NAV3: variants seen among roughly 807,000 people sequenced by gnomAD.
The protein encoded by NAV3 is neuron navigator 3.
A neutral mutation model predicts 244.7 loss-of-function variants in NAV3; 87 were observed. That is an observed-to-expected ratio of 0.36 (90% CI 0.30 to 0.42). The LOEUF (loss-of-function observed/expected upper bound fraction) is 0.42. NAV3 is among the 20% of genes least tolerant of loss of function. NAV3 has a pLI of 1.00. For synonymous variants in NAV3, 1,126 were observed against 1,042.2 expected (o/e 1.08, Z -1.55); for missense variants, 2,663 against 2,893.3 (o/e 0.92, Z 1.83).
chr12:78,113,604 C>A (rs1265211168), intron 12 of NAV3, among the ~76,000 whole-genome samples: 1 of 152,142 alleles, frequency 6.6e-6, no homozygotes, highest in Non-Finnish European at 1.5e-5. Flanking sequence ...TGCAGGGCAC[C>A]AAGTCCCTAT....
intron 2 of NAV3, among the ~76,000 whole-genome samples, chr12:77,752,435 C>T (rs1185379748): frequency 2.0e-5 from 3 of 152,070 alleles, no homozygotes; most frequent in Non-Finnish European, 4.4e-5. Flanking sequence ...ATAAAAGTAG[C>T]CGAGAGTCCA....
intron 38 of NAV3, among the ~76,000 whole-genome samples, chr12:78,203,761 A>G (rs1467382145): frequency 2.0e-5 from 3 of 151,966 alleles, no homozygotes; most frequent in African/African-American, 7.2e-5. Context: ...AGGGAAAGTA[A>G]TTTAAGGAAA....
intron 5 of NAV3, among the ~76,000 whole-genome samples, chr12:77,988,039 G>C (rs147948105): frequency 0.017 from 2,611 of 152,240 alleles, 29 homozygotes; most frequent in Non-Finnish European, 0.029. Flanking sequence ...AAAGAGGCAT[G>C]GCTTGAGATT....
chr12:77,574,161 G>A (rs1172895355), intron 2 of NAV3, among the ~76,000 whole-genome samples: 1 of 152,134 alleles, frequency 6.6e-6, no homozygotes, highest in Non-Finnish European at 1.5e-5. Context: ...GAATGGAAGA[G>A]GAATGAATGT....
intron 2 of NAV3, among the ~76,000 whole-genome samples, chr12:77,593,099 C>G (rs1056316385): frequency 1.3e-5 from 2 of 152,202 alleles, no homozygotes; most frequent in East Asian, 3.9e-4. Flanking sequence ...AGCATACAAG[C>G]CAGCTTTCAG....
chr12:77,756,144 A>G (rs1869164979), intron 2 of NAV3, among the ~76,000 whole-genome samples: 1 of 152,200 alleles, frequency 6.6e-6, no homozygotes, highest in Non-Finnish European at 1.5e-5. Flanking sequence ...ACTATATGAT[A>G]TAATATATAC....
chr12:77,857,795 T>C (rs943085690), intron 1 of NAV3, among the ~76,000 whole-genome samples: 2 of 151,996 alleles, frequency 1.3e-5, no homozygotes, highest in Non-Finnish European at 2.9e-5. Context: ...ATATGCATTA[T>C]ACAGATTAAA....
At chr12:78,063,835 A>G (rs17044832) in intron 12 of NAV3, among the ~76,000 whole-genome samples, 14,134 of 152,128 alleles carry the variant, frequency 0.093, 944 homozygotes, top group East Asian at 0.2. Context: ...AGGAACCAGT[A>G]ATGGGATTCT....
chr12:78,106,284 C>T (rs2166954), intron 12 of NAV3, among the ~76,000 whole-genome samples: 1 of 151,946 alleles, frequency 6.6e-6, no homozygotes, highest in Non-Finnish European at 1.5e-5. Flanking sequence ...CTAACAAAAA[C>T]TATTTGAAAT....
intron 8 of NAV3, among the ~76,000 whole-genome samples, chr12:78,013,504 G>A (rs992565870): frequency 2.6e-5 from 4 of 152,202 alleles, no homozygotes; most frequent in African/African-American, 7.2e-5. Flanking sequence ...CATAAACAAA[G>A]TCAATAAAAG....
chr12:77,659,951 G>T (rs1042888766), intron 2 of NAV3, among the ~76,000 whole-genome samples: 4 of 138,902 alleles, frequency 2.9e-5, no homozygotes, highest in African/African-American at 1.1e-4. Flanking sequence ...ACACTCTGGG[G>T]ACTGTTGTGG....
intron 2 of NAV3, among the ~76,000 whole-genome samples, chr12:77,615,924 G>A (rs978326030): frequency 5.9e-5 from 9 of 152,130 alleles, no homozygotes; most frequent in South Asian, 4.2e-4. Flanking sequence ...ACTAACTTGC[G>A]GGGCAGAGGG....
At position 77,993,948 on chromosome 12, in the gene NAV3, C is replaced by T. The variant is rs549865912; in HGVS notation, c.672-855C>T. ...TGCACATGTCCTGGGTTTATCAGGTCTAACTATATCTTTCAGAATACTGAT... is the reference window on the plus strand; with the variant it reads ...TGCACATGTCCTGGGTTTATCAGGTTTAACTATATCTTTCAGAATACTGAT... On this transcript the variant is annotated intron_variant, in intron 5 of 39. Coordinates refer to ENST00000397909, the MANE Select transcript of NAV3 (RefSeq NM_001024383.2). Among the ~76,000 whole-genome samples the T allele has an allele frequency of 1.2e-4, 18 of 150,840 alleles. No individual in the cohort carries two copies. The South Asian group carries it at 2.9e-3, about 25-fold the overall frequency.
At chr12:78,200,410 T>A (rs1307943260) in intron 37 of NAV3, 63 bp from the exon 38 acceptor site, 1 of 962,396 alleles carries the variant, frequency 1.0e-6, no homozygotes, top group African/African-American at 1.7e-5. Context: ...AAATGGTGTC[T>A]AGATATGTGT....
At chr12:77,573,431 C>G (rs1016930446) in intron 2 of NAV3, among the ~76,000 whole-genome samples, 2 of 152,146 alleles carry the variant, frequency 1.3e-5, no homozygotes, top group Non-Finnish European at 2.9e-5. Flanking sequence ...GTCAGTAAAT[C>G]TCAGAAAATA....
intron 2 of NAV3, among the ~76,000 whole-genome samples, chr12:77,593,290 G>GTGTT (rs1555184552): frequency 6.6e-6 from 1 of 151,690 alleles, no homozygotes; most frequent in Non-Finnish European, 1.5e-5. Context: ...CTGTGTGTGT[G>GTGTT]TGTGTGTGTG....
chr12:77,792,459 C>A (rs1168301084), intron 2 of NAV3, among the ~76,000 whole-genome samples: 1 of 152,156 alleles, frequency 6.6e-6, no homozygotes, highest in African/African-American at 2.4e-5. Flanking sequence ...ACTCAGACCA[C>A]AAGCTACAGG....
chr12:78,175,575 T>C (rs1244242293), intron 25 of NAV3, 148 bp downstream of exon 25: 41 of 994,888 alleles, frequency 4.1e-5, no homozygotes, highest in Non-Finnish European at 5.9e-5. Context: ...ATCACCAAAA[T>C]TGGAGTGGCA....
intron 33 of NAV3, among the ~76,000 whole-genome samples, chr12:78,189,742 G>A (rs1286959297): frequency 4.6e-5 from 7 of 151,790 alleles, no homozygotes; most frequent in Non-Finnish European, 7.4e-5. Flanking sequence ...AGTAGACAGT[G>A]GAGTGAAGCC....
Sources: gnomAD v4.1 joint callset for allele counts (sites outside exome capture counted in the v4.1 genomes callset) on GRCh38, gnomAD v4.1.1 for gene constraint, MANE v1.5 for transcripts, NCBI Gene and HGNC (gene_info 2026-07-23, HGNC 2026-07-21) for gene names.